The following PCDHGA7 variants were observed in gnomAD, a reference collection of about 807,000 sequenced individuals.
The protein encoded by PCDHGA7 is protocadherin gamma-A7.
Under a neutral mutation model 58.3 loss-of-function variants are expected in PCDHGA7, and 44 were observed. The observed-to-expected ratio is 0.75, with a 90% CI of 0.59 to 0.97. The LOEUF (loss-of-function observed/expected upper bound fraction) is 0.97. Ranked by LOEUF, PCDHGA7 falls within the 50% of genes least tolerant of loss-of-function variation. The pLI, the probability that PCDHGA7 is intolerant of heterozygous loss-of-function variation, is 0.00. For missense variants in PCDHGA7, 1,266 were observed against 1,188.7 expected (o/e 1.06, Z -0.96); for synonymous variants, 516 against 504.2 (o/e 1.02, Z -0.31).
In PCDHGA7 at chr5:141,431,129, A is replaced by G. The variant is rs771219303; in HGVS notation, c.2424+45806A>G. The G allele has an allele frequency of 7.4e-6, 12 of 1,614,152 alleles. No homozygotes were observed. The Admixed American group carries it at 1.7e-4, about 22-fold the overall frequency. Reference sequence around the variant, plus strand: ...AATATATGGAGTAGAAGTAGAAGTAAGGGACATTAACGACAATGCGCCTTA... The same window carrying G: ...AATATATGGAGTAGAAGTAGAAGTAGGGGACATTAACGACAATGCGCCTTA... On this transcript the variant is annotated intron_variant, in intron 1 of 3. Coordinates refer to ENST00000518325, the MANE Select transcript of PCDHGA7 (RefSeq NM_018920.4). The surrounding 1 kb of genome is among the most constrained non-coding windows in gnomAD (Gnocchi z 4.8).
chr5:141,476,747 C>A lies in PCDHGA7; in HGVS notation c.2425-18060C>A. 1 of 1,614,066 alleles carries A rather than the reference C, an allele frequency of 6.2e-7. No homozygotes were observed. The highest frequency in any genetic ancestry group is 1.3e-5 in the African/African-American group (1 of 75,074). On this transcript the variant is annotated intron_variant, in intron 1 of 3. Transcript: ENST00000518325. The surrounding 1 kb of genome is among the most constrained non-coding windows in gnomAD (Gnocchi z 7.6). ...GGACCGAGAACGGGAGCCTAGTCTCCAGTTAGTGCTGACGGCGTTGGACGG... is the reference window on the plus strand; with the variant it reads ...GGACCGAGAACGGGAGCCTAGTCTCAAGTTAGTGCTGACGGCGTTGGACGG...
intron 1 of PCDHGA7, among the ~76,000 whole-genome samples, chr5:141,434,463 G>A (rs967685246): frequency 5.9e-5 from 9 of 152,192 alleles, no homozygotes; most frequent in Admixed American, 1.3e-4. Flanking sequence ...TGGGTTTACC[G>A]GAATGAGGGC....
intron 1 of PCDHGA7, chr5:141,413,715 G>A (rs955570292): frequency 2.5e-6 from 4 of 1,613,472 alleles, no homozygotes; most frequent in Non-Finnish European, 3.4e-6. Context: ...GCCCCAATAA[G>A]CACTTCTCCC....
chr5:141,415,492 A>G lies in PCDHGA7; in HGVS notation c.2424+30169A>G, dbSNP rs373866182. 4 of 1,614,154 alleles carry G rather than the reference A, an allele frequency of 2.5e-6. No individual in the cohort carries two copies. The African/African-American group carries it at 4.0e-5, about 16-fold the overall frequency. On this transcript the variant is annotated intron_variant, in intron 1 of 3. Transcript: ENST00000518325. Reference sequence around the variant, plus strand: ...CGCGGACTCGCGAAAGAGTCACCTGATCTTCCCCCAGCCCAATTATGCGGA... The same window carrying G: ...CGCGGACTCGCGAAAGAGTCACCTGGTCTTCCCCCAGCCCAATTATGCGGA...
Position 141,432,229 on chromosome 5 carries a change from C to T in PCDHGA7, c.2424+46906C>T, listed in dbSNP as rs1246285803. Reference sequence around the variant, plus strand: ...AAGAGAACGCCCAGATCACTTATTCCCTGGCTGAGAACACCATCCAAGGGG... The same window carrying T: ...AAGAGAACGCCCAGATCACTTATTCTCTGGCTGAGAACACCATCCAAGGGG... On this transcript the variant is annotated intron_variant, in intron 1 of 3. Coordinates refer to ENST00000518325, the MANE Select transcript of PCDHGA7 (RefSeq NM_018920.4). The surrounding 1 kb of genome is among the most constrained non-coding windows in gnomAD (Gnocchi z 6.0). The T allele has an allele frequency of 6.2e-7, 1 of 1,614,232 alleles. No homozygotes were observed.
At chr5:141,413,151 T>C (rs1192899612) in intron 1 of PCDHGA7, 5 of 1,573,560 alleles carry the variant, frequency 3.2e-6, no homozygotes, top group South Asian at 1.2e-5. Context: ...GTGAGGACTT[T>C]GCAGAATTCT....
chr5:141,414,486 AACGG>A, intron 1 of PCDHGA7: 1 of 1,613,938 alleles, frequency 6.2e-7, no homozygotes, highest in Non-Finnish European at 8.5e-7. Flanking sequence ...CTCCTCTATC[AACGG>A]AAGCTCACTT....
intron 1 of PCDHGA7, among the ~76,000 whole-genome samples, chr5:141,460,640 TGTTTACACATA>T (rs2098994223): frequency 6.6e-6 from 1 of 152,096 alleles, no homozygotes; most frequent in Admixed American, 6.6e-5. Flanking sequence ...TATATAACTG[TGTTTACACATA>T]TGTAACTGTA....
At chr5:141,394,260 G>C in intron 1 of PCDHGA7, 1 of 1,613,920 alleles carries the variant, frequency 6.2e-7, no homozygotes, top group Non-Finnish European at 8.5e-7. Flanking sequence ...CGACAGCCAG[G>C]AGAATGCCCA....
chr5:141,403,189 G>A (rs1234686339), intron 1 of PCDHGA7: 2 of 1,613,860 alleles, frequency 1.2e-6, no homozygotes, highest in South Asian at 1.1e-5. Flanking sequence ...CTCTGAACCC[G>A]CGCAGCGGCA....
intron 1 of PCDHGA7, chr5:141,404,273 C>G (rs751189949): frequency 6.2e-7 from 1 of 1,613,870 alleles, no homozygotes; most frequent in African/African-American, 1.3e-5. Flanking sequence ...CATCACCCTG[C>G]AAGTGACTGA....
At chr5:141,388,324 A>T in intron 1 of PCDHGA7, 1 of 1,613,978 alleles carries the variant, frequency 6.2e-7, no homozygotes, top group East Asian at 2.2e-5. Flanking sequence ...GAGTCTGCAC[A>T]GCCTGGCACA....
intron 1 of PCDHGA7, among the ~76,000 whole-genome samples, chr5:141,386,853 G>C (rs932816835): frequency 2.0e-5 from 3 of 152,230 alleles, no homozygotes; most frequent in African/African-American, 4.8e-5. Context: ...ACTAAACTCA[G>C]TGAGCTATTG....
chr5:141,442,700 T>TC (rs1388243183), intron 1 of PCDHGA7, among the ~76,000 whole-genome samples: 5 of 152,198 alleles, frequency 3.3e-5, no homozygotes, highest in Non-Finnish European at 7.3e-5. Flanking sequence ...CAGACAAGAG[T>TC]ATCAGACATG....
chr5:141,483,892 A>C (rs1463395859), intron 1 of PCDHGA7, among the ~76,000 whole-genome samples: 1 of 151,652 alleles, frequency 6.6e-6, no homozygotes, highest in Non-Finnish European at 1.5e-5. Flanking sequence ...TATTTCTCTG[A>C]GCTCTGGTGT....
rs2099705703 is a variant in PCDHGA7, at chr5:141,490,886, C to A, written c.2425-3921C>A. On this transcript the variant is annotated intron_variant, in intron 1 of 3. Transcript: ENST00000518325. This position sits in a 1 kb window ranked among gnomAD's most constrained non-coding sequence, Gnocchi z 5.4. The stretch of plus-strand genomic sequence containing the variant: ...TCTCCCCCATTGCATGCCAACACAT[C>A]TCTGCATGTGTTTGTCCTAGACGAG... The A allele has an allele frequency of 6.2e-7, 1 of 1,613,406 alleles. No homozygotes were observed. Among genetic ancestry groups the A allele is most frequent in the East Asian group, 2.2e-5 (1 of 44,878 alleles).
chr5:141,431,408 G>A lies in PCDHGA7; in HGVS notation c.2424+46085G>A. ...CCACCTGGTCCTTACGGCCTCCGAC[G>A]GGGGCGACCCGGTGCGCACAGGCAC... On this transcript the variant is annotated intron_variant, in intron 1 of 3. Transcript: ENST00000518325. The surrounding 1 kb of genome is among the most constrained non-coding windows in gnomAD (Gnocchi z 4.8). 6.2e-7 allele frequency: 1 copy of A among 1,613,718 alleles called. No individual in the cohort carries two copies. The highest frequency in any genetic ancestry group is 2.2e-5 in the East Asian group (1 of 44,882).
At position 141,477,539 on chromosome 5, in the gene PCDHGA7, C is replaced by G; in HGVS notation, c.2425-17268C>G. 2 of 1,614,172 alleles carry G rather than the reference C, an allele frequency of 1.2e-6. No individual in the cohort carries two copies. The highest frequency in any genetic ancestry group is 1.7e-6 in the Non-Finnish European group (2 of 1,180,030). On this transcript the variant is annotated intron_variant, in intron 1 of 3. Transcript: ENST00000518325. The surrounding 1 kb of genome is among the most constrained non-coding windows in gnomAD (Gnocchi z 4.9). ...TGAAGAAAACAACCTCCCCGGGGCT[C>G]CAATACTAAACCTAAGTGTCTGGGA...
In PCDHGA7 at chr5:141,490,294, T is replaced by C. The variant is rs766906839; in HGVS notation, c.2425-4513T>C. ...CAATGACAATGCCCCAGAGGTGCTA[T>C]TGGCCTCTTTGGCCAACCCTGTCCT... On this transcript the variant is annotated intron_variant, in intron 1 of 3. Transcript: ENST00000518325. This position sits in a 1 kb window ranked among gnomAD's most constrained non-coding sequence, Gnocchi z 5.4. The C allele has an allele frequency of 5.6e-6, 9 of 1,614,104 alleles. No individual in the cohort carries two copies. The East Asian group carries it at 1.3e-4, about 24-fold the overall frequency.
Sources: allele counts gnomAD v4.1 joint callset (sites outside exome capture counted in the v4.1 genomes callset), GRCh38; gene constraint gnomAD v4.1.1; non-coding constraint Gnocchi (gnomAD v3.1); transcripts MANE v1.5; gene names NCBI Gene and HGNC (gene_info 2026-07-23, HGNC 2026-07-21).